NAMPT: variants seen among roughly 807,000 people sequenced by gnomAD.
NAMPT encodes the protein nicotinamide phosphoribosyltransferase.
NAMPT carries 7 observed loss-of-function variants against 58.7 expected under a neutral mutation model. The observed-to-expected ratio is 0.12, with a 90% confidence interval of 0.07 to 0.22. The LOEUF (loss-of-function observed/expected upper bound fraction) is 0.22, where lower values mean the gene tolerates loss of function less well. NAMPT is among the 10% of genes least tolerant of loss of function. The pLI is 1.00. For missense variants in NAMPT, 271 were observed against 567.9 expected (o/e 0.48, Z 5.31); for synonymous variants, 145 against 198.1 (o/e 0.73, Z 2.25).
intron 6 of NAMPT, among the ~76,000 whole-genome samples, chr7:106,264,649 A>G (rs891351157): frequency 6.6e-6 from 1 of 152,064 alleles, no homozygotes; most frequent in Non-Finnish European, 1.5e-5. Context: ...TAATGTAAAT[A>G]ATTTTAAAAG....
chr7:106,252,428 GAATC>G (rs1439700736), intron 10 of NAMPT, among the ~76,000 whole-genome samples: 1 of 152,016 alleles, frequency 6.6e-6, no homozygotes, highest in Non-Finnish European at 1.5e-5. Context: ...GTAGTATAAA[GAATC>G]AAAATAGGAA....
At chr7:106,261,539 C>A (rs1792302833) in intron 8 of NAMPT, 49 bp downstream of exon 8, 1 of 1,381,150 alleles carries the variant, frequency 7.2e-7, no homozygotes, top group Non-Finnish European at 1.0e-6. Context: ...CATAAACAAA[C>A]TTAATTATAA....
At chr7:106,260,353 T>G (rs1227525132) in intron 8 of NAMPT, among the ~76,000 whole-genome samples, 1 of 152,252 alleles carries the variant, frequency 6.6e-6, no homozygotes, top group Non-Finnish European at 1.5e-5. Flanking sequence ...TAGCTTCCAA[T>G]TTTTCTTCTG....
chr7:106,267,988 G>A (rs1792460417), intron 6 of NAMPT, among the ~76,000 whole-genome samples: 1 of 151,040 alleles, frequency 6.6e-6, no homozygotes, highest in Non-Finnish European at 1.5e-5. Context: ...AGACAAGGAA[G>A]CGTAAAAAGA....
In NAMPT at chr7:106,274,936, C is replaced by T. The variant is rs1189305314; in HGVS notation, c.318+10G>A. The T allele has an allele frequency of 5.2e-6, 8 of 1,542,314 alleles. No individual in the cohort carries two copies. The highest frequency in any genetic ancestry group is 7.1e-6 in the Non-Finnish European group (8 of 1,124,034). On this transcript the variant is annotated intron_variant, in intron 3 of 10. Coordinates refer to ENST00000222553, the MANE Select transcript of NAMPT (RefSeq NM_005746.3). ...ACCAAAACAGATCAAAAGATGAAAC[C>T]ATCTTTTACCTCAAGAATGTAGTTC... is the stretch of plus-strand genomic sequence containing the variant.
chr7:106,255,450 A>G (rs1280610493), intron 8 of NAMPT, among the ~76,000 whole-genome samples: 2 of 152,360 alleles, frequency 1.3e-5, no homozygotes, highest in Middle Eastern at 6.8e-3. Context: ...ATGTGTATCA[A>G]AGTTACCACA....
chr7:106,283,509 C>A (rs1371330553), intron 1 of NAMPT, among the ~76,000 whole-genome samples: 1 of 151,998 alleles, frequency 6.6e-6, no homozygotes, highest in Non-Finnish European at 1.5e-5. Flanking sequence ...ATCAATGAGG[C>A]TATTCTAAAA....
intron 7 of NAMPT, 137 bp downstream of exon 7, chr7:106,263,255 C>T (rs1241960653): frequency 1.1e-5 from 7 of 654,336 alleles, no homozygotes; most frequent in Non-Finnish European, 1.9e-5. Context: ...ATCTATTACT[C>T]TCTCTGGGCT....
upstream of NAMPT, chr7:106,285,463 C>T (rs1468415293): frequency 6.8e-6 from 6 of 879,352 alleles, no homozygotes; most frequent in East Asian, 4.8e-4. Flanking sequence ...CTGGGTCCTC[C>T]TGAAGTCACG....
chr7:106,268,311 T>C, intron 6 of NAMPT, 153 bp downstream of exon 6: 1 of 684,852 alleles, frequency 1.5e-6, no homozygotes, highest in South Asian at 2.2e-5. Flanking sequence ...AAGACTAATG[T>C]TTATACTTTT....
Position 106,261,366 on chromosome 7 carries a change from T to G in NAMPT, c.1089+222A>C, listed in dbSNP as rs141532681. The G allele has an allele frequency of 1.4e-3, 569 of 415,282 alleles. 6 individuals are homozygous for G. The highest frequency in any genetic ancestry group is 1.8e-3 in the Non-Finnish European group (402 of 227,620). 25.7% of individuals were successfully genotyped at this position (415,282 alleles called of 1,614,324 possible). A position where few individuals can be genotyped will look rare whatever the true frequency, so the allele number is the denominator to read the frequency against. ...AATGATACTTCTTTAGATTCATCAT[T>G]CAGGGTGGCCAATGACAACTGGAAG... On this transcript the variant is annotated intron_variant, in intron 8 of 10. Transcript: ENST00000222553.
rs560499430 is a variant in NAMPT, at chr7:106,252,985, G to A, written c.1365+32C>T. ...TAATTTGGTGAGCCAACCTACTATT[G>A]CTTAAAAAAACCAATCAGCATAGAT... On this transcript the variant is annotated intron_variant, in intron 10 of 10. Transcript: ENST00000222553. 6.9e-6 allele frequency: 11 copies of A among 1,599,436 alleles called. No individual in the cohort carries two copies. The East Asian group carries it at 2.5e-4, about 36-fold the overall frequency.
At chr7:106,284,621 A>G (rs1193901994) in intron 1 of NAMPT, 1 of 309,794 alleles carries the variant, frequency 3.2e-6, no homozygotes, top group East Asian at 1.1e-4. Context: ...CCAGCCCTCC[A>G]TCCTCCTCAA....
At chr7:106,273,764 TCA>T (rs1275253491) in intron 3 of NAMPT, among the ~76,000 whole-genome samples, 1 of 152,138 alleles carries the variant, frequency 6.6e-6, no homozygotes, top group Admixed American at 6.5e-5. Flanking sequence ...AGGTGATAGC[TCA>T]CAGATTCTAT....
chr7:106,285,180 G>A (rs1290538883), upstream of NAMPT: 1 of 1,226,344 alleles, frequency 8.2e-7, no homozygotes, highest in South Asian at 2.4e-5. Context: ...GAGAAAGGGC[G>A]GGGCGCGGCA....
In NAMPT at chr7:106,272,581, G is replaced by A; in HGVS notation, c.396C>T (p.Phe132=). 3 of 1,611,736 alleles carry A rather than the reference G, an allele frequency of 1.9e-6. No individual in the cohort carries two copies. Among genetic ancestry groups the A allele is most frequent in the Non-Finnish European group, 2.5e-6 (3 of 1,177,972 alleles). Residue 132 remains phenylalanine, a synonymous_variant, in exon 4 of 11, where the codon TTC becomes TTT. Coordinates refer to ENST00000222553, the MANE Select transcript of NAMPT (RefSeq NM_005746.3). ...ACTCTGGATCTGTGTTTTCCACCGT[G>A]AAGAGAACATTTCCTCTGGGAATGA... ...GFVIPRGNVL[F]TVENTDPECY... is the part of the protein sequence containing the mutation.
intron 8 of NAMPT, among the ~76,000 whole-genome samples, chr7:106,254,935 C>T (rs1792172495): frequency 6.6e-6 from 1 of 152,144 alleles, no homozygotes; most frequent in African/African-American, 2.4e-5. Flanking sequence ...AGTCACAATA[C>T]ACTGTATAAT....
chr7:106,256,992 A>G (rs1172319911), intron 8 of NAMPT, among the ~76,000 whole-genome samples: 1 of 152,082 alleles, frequency 6.6e-6, no homozygotes, highest in Non-Finnish European at 1.5e-5. Flanking sequence ...CCTGGCTAAC[A>G]TGGTGAAACC....
intron 6 of NAMPT, 190 bp downstream of exon 6, chr7:106,268,274 G>C (rs1792467471): frequency 2.0e-6 from 1 of 492,566 alleles, no homozygotes. Context: ...GTTTCTTCTA[G>C]CATGGATAAA....
Sources: gnomAD v4.1 joint callset for allele counts (sites outside exome capture counted in the v4.1 genomes callset) on GRCh38, gnomAD v4.1.1 for gene constraint, MANE v1.5 for transcripts, NCBI Gene and HGNC (gene_info 2026-07-23, HGNC 2026-07-21) for gene names.